Variants in RAC2 observed in about 807,000 individuals in gnomAD.
The protein encoded by RAC2 is ras-related C3 botulinum toxin substrate 2.
A neutral mutation model predicts 24.0 loss-of-function variants in RAC2; 1 was observed. That is an observed-to-expected ratio of 0.04 (90% CI 0.01 to 0.20). The LOEUF (loss-of-function observed/expected upper bound fraction) is 0.20. Among genes scored for constraint, RAC2 ranks in the 10% least tolerant of loss-of-function variants. The pLI is 1.00. For synonymous variants in RAC2, 114 were observed against 106.8 expected (o/e 1.07, Z -0.41); for missense variants, 130 against 259.1 (o/e 0.50, Z 3.42).
At chr22:37,234,772 C>CT (rs567133557) in intron 2 of RAC2, among the ~76,000 whole-genome samples, 110 of 152,302 alleles carry the variant, frequency 7.2e-4, no homozygotes, top group Non-Finnish European at 1.3e-3. Context: ...ACCCTCCAGG[C>CT]TGCCCAGCCC....
chr22:37,235,312 TCTGGAAAG>T (rs1422088349), intron 2 of RAC2, among the ~76,000 whole-genome samples: 1 of 152,124 alleles, frequency 6.6e-6, no homozygotes, highest in African/African-American at 2.4e-5. Flanking sequence ...TTCCCGCCTG[TCTGGAAAG>T]TGCCTGCAAA....
intron 3 of RAC2, chr22:37,232,364 T>G: frequency 2.3e-6 from 1 of 431,522 alleles, no homozygotes; most frequent in South Asian, 2.2e-5. Context: ...CCAATCCATA[T>G]ACTATCCACC....
chr22:37,239,274 C>G (rs56123503), intron 2 of RAC2, among the ~76,000 whole-genome samples: 2,880 of 152,246 alleles, frequency 0.019, 47 homozygotes, highest in Non-Finnish European at 0.027. Context: ...AAGTACAGGG[C>G]CCATGCTCAA....
At chr22:37,241,723 T>C (rs1927400993) in intron 1 of RAC2, 65 bp from the exon 2 acceptor site, 4 of 1,457,634 alleles carry the variant, frequency 2.7e-6, no homozygotes, top group Non-Finnish European at 2.9e-6. Flanking sequence ...GGGAGGTTTC[T>C]GCCTGGTCCT....
At chr22:37,241,710 G>T in intron 1 of RAC2, 52 bp from the exon 2 acceptor site, 1 of 1,534,038 alleles carries the variant, frequency 6.5e-7, no homozygotes, top group Non-Finnish European at 9.0e-7. Context: ...TGCCGGAGAC[G>T]TGGGGAGGTT....
intron 5 of RAC2, among the ~76,000 whole-genome samples, chr22:37,228,477 GCAGGCCTGGGGGCCGATGT>G (rs1926954180): frequency 6.6e-6 from 1 of 152,230 alleles, no homozygotes; most frequent in South Asian, 2.1e-4. Flanking sequence ...GAGATGCTAT[GCAGGCCTGGGGGCCGATGT>G]CAGAACCAAG....
At chr22:37,237,901 C>G (rs926009661) in intron 2 of RAC2, among the ~76,000 whole-genome samples, 1 of 151,778 alleles carries the variant, frequency 6.6e-6, no homozygotes, top group African/African-American at 2.4e-5. Flanking sequence ...TGAAGACAGC[C>G]AAGCAGGGTG....
Position 37,231,630 on chromosome 22 carries a change from T to C in RAC2, c.289-240A>G. 3.3e-6 allele frequency: 2 copies of C among 604,746 alleles called. No homozygotes were observed. Among genetic ancestry groups the C allele is most frequent in the Admixed American group, 5.8e-5 (2 of 34,276 alleles). The allele number at this position is 604,746 out of a possible 1,614,324, so 37.5% of individuals were successfully genotyped here. ...TAGGAAAGGAGGAGGCGAGGTTTTGTGCAGACATAAGAAGCAAACATGAGG... is the reference window on the plus strand; with the variant it reads ...TAGGAAAGGAGGAGGCGAGGTTTTGCGCAGACATAAGAAGCAAACATGAGG... On this transcript the variant is annotated intron_variant, in intron 4 of 6. Coordinates refer to ENST00000249071, the MANE Select transcript of RAC2 (RefSeq NM_002872.5). The surrounding 1 kb of genome is among the most constrained non-coding windows in gnomAD (Gnocchi z 5.5).
At chr22:37,239,239 A>G (rs1344193214) in intron 2 of RAC2, among the ~76,000 whole-genome samples, 2 of 152,142 alleles carry the variant, frequency 1.3e-5, no homozygotes, top group Non-Finnish European at 2.9e-5. Flanking sequence ...TCACCACAGA[A>G]CTTGCAAGAC....
chr22:37,241,964 G>A (rs1477676541), intron 1 of RAC2, among the ~76,000 whole-genome samples: 2 of 152,348 alleles, frequency 1.3e-5, no homozygotes, highest in Non-Finnish European at 2.9e-5. Context: ...GGGACAGAGG[G>A]TGCCCAGCAG....
At chr22:37,232,292 T>C in intron 3 of RAC2, 1 of 511,596 alleles carries the variant, frequency 2.0e-6, no homozygotes, top group Non-Finnish European at 3.6e-6. Flanking sequence ...CTTCCAGAGG[T>C]TAAAGAGTTT....
At chr22:37,227,004 C>T (rs867629469) in intron 5 of RAC2, among the ~76,000 whole-genome samples, 1 of 47,666 alleles carries the variant, frequency 2.1e-5, no homozygotes, top group Non-Finnish European at 4.2e-5. Context: ...CTCCCTCCCA[C>T]GCCATACACC....
At chr22:37,232,648 C>G in intron 3 of RAC2, 153 bp downstream of exon 3, 2 of 681,038 alleles carry the variant, frequency 2.9e-6, no homozygotes, top group South Asian at 1.6e-5. Context: ...AAGCCCTTCT[C>G]TGCCTGGGAC....
intron 2 of RAC2, chr22:37,241,152 C>G: frequency 2.6e-6 from 2 of 778,756 alleles, no homozygotes; most frequent in Non-Finnish European, 4.8e-6. Flanking sequence ...CAATAGAGCG[C>G]AGGGCCTCCC....
chr22:37,233,276 T>G (rs929974601), intron 2 of RAC2, among the ~76,000 whole-genome samples: 14 of 123,828 alleles, frequency 1.1e-4, no homozygotes, highest in East Asian at 7.6e-4. Flanking sequence ...CTTTTTGTTG[T>G]TTTTTGTTTG....
rs9610683 is a variant in RAC2, at chr22:37,231,206, G to A, written c.448+25C>T. On this transcript the variant is annotated intron_variant, in intron 5 of 6. Coordinates refer to ENST00000249071, the MANE Select transcript of RAC2 (RefSeq NM_002872.5). This position sits in a 1 kb window ranked among gnomAD's most constrained non-coding sequence, Gnocchi z 5.5. ...TCAGGGCCTCCCCTGCAGCCAGATC[G>A]CCCCTCTGAGCCCGAGGCCCATACC... The A allele has an allele frequency of 6.5e-5, 105 of 1,611,284 alleles. No individual in the cohort carries two copies. The African/African-American group carries it at 1.2e-3, about 18-fold the overall frequency.
In RAC2 at chr22:37,234,228, G is replaced by A. The variant is rs73413233; in HGVS notation, c.108-1310C>T. Among the ~76,000 whole-genome samples the A allele has an allele frequency of 9.9e-3, 1,506 of 152,320 alleles. 20 individuals carry two copies. The highest frequency in any genetic ancestry group is 0.034 in the African/African-American group (1,428 of 41,570). On this transcript the variant is annotated intron_variant, in intron 2 of 6. Coordinates refer to ENST00000249071, the MANE Select transcript of RAC2 (RefSeq NM_002872.5). Reference sequence around the variant, plus strand: ...GAGGGGCCTGACAAATATCAGAGACGGGGAAGCCCAACGAATGCTGGGAGG... The same window carrying A: ...GAGGGGCCTGACAAATATCAGAGACAGGGAAGCCCAACGAATGCTGGGAGG...
At position 37,241,506 on chromosome 22, in the gene RAC2, C is replaced by A. The variant is rs2145831232; in HGVS notation, c.107+81G>T. 2.1e-6 allele frequency: 3 copies of A among 1,427,376 alleles called. No homozygotes were observed. In the South Asian group the frequency reaches 3.4e-5, roughly 16 times the overall value. 88.4% of individuals were successfully genotyped at this position (1,427,376 alleles called of 1,614,324 possible). A position where few individuals can be genotyped will look rare whatever the true frequency, so the allele number is the denominator to read the frequency against. ...GGGTGCCCACACAGGGTCTGGCCCA[C>A]AGGAAGTGCCTGAAAGGGGGGTCGA... On this transcript the variant is annotated intron_variant, in intron 2 of 6. Coordinates refer to ENST00000249071, the MANE Select transcript of RAC2 (RefSeq NM_002872.5).
intron 2 of RAC2, chr22:37,241,039 C>A (rs1282283719): frequency 1.4e-6 from 1 of 719,208 alleles, no homozygotes; most frequent in Middle Eastern, 2.3e-4. Flanking sequence ...CCCCTGAGGG[C>A]TGGCCAGGGA....
Sources: allele counts gnomAD v4.1 joint callset (sites outside exome capture counted in the v4.1 genomes callset), GRCh38; gene constraint gnomAD v4.1.1; non-coding constraint Gnocchi (gnomAD v3.1); transcripts MANE v1.5; gene names NCBI Gene and HGNC (gene_info 2026-07-23, HGNC 2026-07-21).